Variants in PRDM15 observed in about 807,000 individuals in gnomAD.
PRDM15 encodes PR/SET domain 15.
Under a neutral mutation model 128.6 loss-of-function variants are expected in PRDM15, and 64 were observed. The ratio of observed to expected loss-of-function variants is 0.50; its 90% CI spans 0.41 to 0.61. The LOEUF (loss-of-function observed/expected upper bound fraction) is 0.61. PRDM15 is among the 20% of genes least tolerant of loss of function. The pLI is 0.00. For synonymous variants in PRDM15, 615 were observed against 621.8 expected, an observed-to-expected ratio of 0.99 and a Z score of 0.16; for missense variants, 1,242 against 1,569.1, an observed-to-expected ratio of 0.79 and a Z score of 3.52.
rs1357479588 is a variant in PRDM15 at position 41,801,572 on chromosome 21, G to A, written c.3094C>T (p.Arg1032Cys). The change falls in exon 24 of 24, where the codon CGC (arginine) becomes TGC (cysteine). Residue 1032 changes from arginine (R) to cysteine (C), a missense_variant. Coordinates refer to ENST00000398548, the MANE Select transcript of PRDM15 (RefSeq NM_001040424.3). ...ATTGAGTTGTCCAGCTGTAACTGGC[G>A]TTCAGGGGTGGTAAGGTGCCCCACG... Reference protein sequence around the residue: ...VAVGHLTTPERQLQLDNSILT... With the variant: ...VAVGHLTTPECQLQLDNSILT... The A allele has an allele frequency of 1.5e-5, 25 of 1,614,074 alleles. No individual in the cohort carries two copies. Among genetic ancestry groups the A allele is most frequent in the East Asian group, 4.5e-5 (2 of 44,904 alleles).
At chr21:41,866,040 C>T (rs1434191358) in intron 1 of PRDM15, among the ~76,000 whole-genome samples, 1 of 152,176 alleles carries the variant, frequency 6.6e-6, no homozygotes, top group African/African-American at 2.4e-5. Context: ...CACGCCCAGC[C>T]TCTACTAGAT....
At position 41,859,318 on chromosome 21, in the gene PRDM15, C is replaced by T; in HGVS notation, c.131+274G>A. 1 of 1,184,984 alleles carries T rather than the reference C, an allele frequency of 8.4e-7. No homozygotes were observed. The highest frequency in any genetic ancestry group is 1.2e-6 in the Non-Finnish European group (1 of 817,022). 73.4% of individuals were successfully genotyped at this position (1,184,984 alleles called of 1,614,324 possible). On this transcript the variant is annotated intron_variant, in intron 3 of 23. Transcript: ENST00000398548. The surrounding 1 kb of genome is among the most constrained non-coding windows in gnomAD (Gnocchi z 5.3). ...CCACCTTGGCAAGTCCACTCTTCTG[C>T]AGCCTCCACACACTGTGTCGGGAAC...
At chr21:41,824,535 T>C (rs143918380) in intron 13 of PRDM15, among the ~76,000 whole-genome samples, 137,037 of 152,032 alleles carry the variant, frequency 0.9, 61,899 homozygotes, top group African/African-American at 0.92. Flanking sequence ...CAGGCACAGA[T>C]TGTTTGCACA....
chr21:41,801,801 G>A (rs1245930689), intron 23 of PRDM15, 79 bp from the exon 24 acceptor site: 7 of 1,445,284 alleles, frequency 4.8e-6, no homozygotes, highest in Non-Finnish European at 6.6e-6. Context: ...GATGCGCTCT[G>A]TGTTACCACA....
At chr21:41,801,822 A>G in intron 23 of PRDM15, 100 bp from the exon 24 acceptor site, 1 of 1,313,774 alleles carries the variant, frequency 7.6e-7, no homozygotes, top group Non-Finnish European at 1.0e-6. Context: ...CCAAAGAAGC[A>G]CGACATTCTT....
Position 41,823,009 on chromosome 21 carries a change from G to A in PRDM15, c.1761+309C>T, listed in dbSNP as rs986077830. On this transcript the variant is annotated intron_variant, in intron 14 of 23. Transcript: ENST00000398548. Reference sequence around the variant, plus strand: ...CTTGCCATTGTACTCCAGCCTGGGCGACAGAACGAGACTCCGTCTCAAAAA... The same window carrying A: ...CTTGCCATTGTACTCCAGCCTGGGCAACAGAACGAGACTCCGTCTCAAAAA... Among the ~76,000 whole-genome samples, 4 of 143,766 alleles carry A rather than the reference G, an allele frequency of 2.8e-5. No individual in the cohort carries two copies. The South Asian group carries it at 8.8e-4, about 32-fold the overall frequency. 94.3% of individuals were successfully genotyped at this position (143,766 alleles called of 152,430 possible).
At chr21:41,823,646 T>G (rs779124568) in intron 13 of PRDM15, among the ~76,000 whole-genome samples, 197 bp from the exon 14 acceptor site, 1 of 152,224 alleles carries the variant, frequency 6.6e-6, no homozygotes. Flanking sequence ...CTTGCTGAAT[T>G]GTGTAAACAG....
chr21:41,837,971 G>A lies in PRDM15; in HGVS notation c.964C>T (p.Leu322=). ...CTGGTGTCAGTGGTGGTGGTGGCCAGCTTCCCCAGAACCAGCTCCATGATC... is the reference window on the plus strand; with the variant it reads ...CTGGTGTCAGTGGTGGTGGTGGCCAACTTCCCCAGAACCAGCTCCATGATC... ...ERIMELVLGK[L]ATTTTDTSSV... Residue 322 remains leucine (L), a synonymous_variant, in exon 8 of 24, where the codon CTG becomes TTG. Coordinates refer to ENST00000398548, the MANE Select transcript of PRDM15 (RefSeq NM_001040424.3). 6.2e-7 allele frequency: 1 copy of A among 1,614,228 alleles called. No homozygotes were observed. The highest frequency in any genetic ancestry group is 8.5e-7 in the Non-Finnish European group (1 of 1,180,034).
intron 6 of PRDM15, 61 bp from the exon 7 acceptor site, chr21:41,839,914 C>T (rs1601325653): frequency 7.0e-7 from 1 of 1,418,784 alleles, no homozygotes; most frequent in East Asian, 2.3e-5. Flanking sequence ...CCACACCCAC[C>T]CTGGCCTCTG....
rs1017366371 is a variant in PRDM15 at position 41,832,917 on chromosome 21, C to T, written c.1366+2520G>A. ...CTGCCAAGCCGAGGGTGGCTTCTCC[C>T]GCAGCCACCCACTCACTGCCAGTTC... is the stretch of plus-strand genomic sequence containing the variant. On this transcript the variant is annotated intron_variant, in intron 11 of 23. Coordinates refer to ENST00000398548, the MANE Select transcript of PRDM15 (RefSeq NM_001040424.3). The surrounding 1 kb of genome is among the most constrained non-coding windows in gnomAD (Gnocchi z 4.2). 7.2e-5 allele frequency among the ~76,000 whole-genome samples: 11 copies of T among 152,196 alleles called. No individual in the cohort carries two copies. Among genetic ancestry groups the T allele is most frequent in the Non-Finnish European group, 1.5e-4 (10 of 68,044 alleles).
intron 21 of PRDM15, among the ~76,000 whole-genome samples, chr21:41,809,778 A>C (rs530672986): frequency 6.6e-6 from 1 of 152,124 alleles, no homozygotes; most frequent in East Asian, 1.9e-4. Context: ...GCGTCTGTAC[A>C]ACTTCCCCCT....
chr21:41,805,997 C>CCACCACCAT lies in PRDM15; in HGVS notation c.2653-1392_2653-1384dup, dbSNP rs1568879452. Among the ~76,000 whole-genome samples, 19 of 76,758 alleles carry CCACCACCAT rather than the reference C, an allele frequency of 2.5e-4. 1 individual carries two copies. The highest frequency in any genetic ancestry group is 4.6e-4 in the South Asian group (1 of 2,190). The allele number at this position is 76,758 out of a possible 152,430, so 50.4% of individuals were successfully genotyped here. ...ATTCCTATCACCACTATCACCACCA[C>CCACCACCAT]CACCACCATCACCACCACCATCACC... is the stretch of plus-strand genomic sequence containing the variant. On this transcript the variant is annotated intron_variant, in intron 21 of 23. Transcript: ENST00000398548.
At chr21:41,878,811 G>A (rs919494050) in intron 1 of PRDM15, 5 of 1,188,900 alleles carry the variant, frequency 4.2e-6, no homozygotes, top group South Asian at 3.3e-5. Context: ...CGGCGACGAC[G>A]CCGCCCGGCG....
At chr21:41,857,718 C>T (rs2063681288) in intron 3 of PRDM15, among the ~76,000 whole-genome samples, 1 of 152,168 alleles carries the variant, frequency 6.6e-6, no homozygotes, top group Non-Finnish European at 1.5e-5. Context: ...CAAGACTGTG[C>T]CACTGCACTG....
intron 1 of PRDM15, among the ~76,000 whole-genome samples, chr21:41,874,432 CGTG>C (rs1601502534): frequency 6.7e-6 from 1 of 149,778 alleles, no homozygotes; most frequent in East Asian, 2.0e-4. Flanking sequence ...TCTTGCCTAA[CGTG>C]GTGCTAAAAT....
intron 5 of PRDM15, among the ~76,000 whole-genome samples, chr21:41,848,025 C>T (rs146220492): frequency 2.0e-5 from 3 of 152,354 alleles, no homozygotes; most frequent in African/African-American, 7.2e-5. Context: ...GCCAGTTTCT[C>T]TACACCTCGT....
In PRDM15 at chr21:41,839,807, G is replaced by A; in HGVS notation, c.687C>T (p.Gly229=). The A allele has an allele frequency of 6.2e-7, 1 of 1,614,266 alleles. No individual in the cohort carries two copies. Among genetic ancestry groups the A allele is most frequent in the South Asian group, 1.1e-5 (1 of 91,086 alleles). ...HLEQAKSLPP[G]SQSEAAAPEK... is the part of the protein sequence containing the mutation. ...CGGGAGCTGCTGCCTCGCTTTGGCTGCCTGGAGGAAGGCTTTTGGCTTGTT... is the reference window on the plus strand; with the variant it reads ...CGGGAGCTGCTGCCTCGCTTTGGCTACCTGGAGGAAGGCTTTTGGCTTGTT... Residue 229 remains glycine (G), a synonymous_variant, in exon 7 of 24, where the codon GGC becomes GGT. Transcript: ENST00000398548.
Position 41,862,641 on chromosome 21 carries a change from G to A in PRDM15, c.-9-2269C>T, listed in dbSNP as rs1057090547. The stretch of plus-strand genomic sequence containing the variant: ...CCCCAAAATGAGGCCTCTCTAAAAC[G>A]GCTCCTCTGGGCCCAAGATCAGAGG... On this transcript the variant is annotated intron_variant, in intron 1 of 23. Coordinates refer to ENST00000398548, the MANE Select transcript of PRDM15 (RefSeq NM_001040424.3). This position sits in a 1 kb window ranked among gnomAD's most constrained non-coding sequence, Gnocchi z 4.1. Among the ~76,000 whole-genome samples the A allele has an allele frequency of 3.3e-5, 5 of 152,218 alleles. No homozygotes were observed. Among genetic ancestry groups the A allele is most frequent in the African/African-American group, 7.2e-5 (3 of 41,526 alleles).
rs916005697 is a variant in PRDM15 at position 41,800,536 on chromosome 21, A to T, written c.*704T>A. Reference sequence around the variant, plus strand: ...AAAAAAGGAAAAAAACTCTATTGGAAATCGATTCATGGATATTACTAAGAT... The same window carrying T: ...AAAAAAGGAAAAAAACTCTATTGGATATCGATTCATGGATATTACTAAGAT... On this transcript the variant is annotated 3_prime_UTR_variant, in exon 24 of 24. Transcript: ENST00000398548. The T allele has an allele frequency of 3.9e-5, 6 of 152,210 alleles. No individual in the cohort carries two copies. The highest frequency in any genetic ancestry group is 1.4e-4 in the African/African-American group (6 of 41,452). The allele number at this position is 152,210 out of a possible 1,614,324, so 9.4% of individuals were successfully genotyped here. A position where few individuals can be genotyped will look rare whatever the true frequency, so the allele number is the denominator to read the frequency against.
Sources: allele counts gnomAD v4.1 joint callset (sites outside exome capture counted in the v4.1 genomes callset), GRCh38; gene constraint gnomAD v4.1.1; non-coding constraint Gnocchi (gnomAD v3.1); transcripts MANE v1.5; gene names NCBI Gene and HGNC (gene_info 2026-07-23, HGNC 2026-07-21).